The following TASP1 variants were observed in gnomAD, a reference collection of about 807,000 sequenced individuals.
The protein encoded by TASP1 is taspase 1, also known as threonine aspartase 1.
Under a neutral mutation model 56.6 loss-of-function variants are expected in TASP1, and 16 were observed. The observed-to-expected ratio is 0.28, with a 90% confidence interval of 0.19 to 0.43. The LOEUF is 0.43. Ranked by LOEUF, TASP1 falls within the 20% of genes least tolerant of loss-of-function variation. The probability of loss-of-function intolerance (pLI) is 1.00; values close to 1 mark genes in which losing one functional copy is unlikely to be tolerated. For missense variants in TASP1, 393 were observed against 511.6 expected (o/e 0.77, Z 2.24); for synonymous variants, 179 against 184.2 (o/e 0.97, Z 0.23).
the TASP1 span, among the ~76,000 whole-genome samples, chr20:13,217,615 A>G: frequency 2.0e-5 from 3 of 152,200 alleles, no homozygotes; most frequent in Admixed American, 6.5e-5. Context: ...AAGAGGCAGA[A>G]TGGTTATAAA....
At chr20:13,214,703 A>G in the TASP1 span, among the ~76,000 whole-genome samples, 1 of 152,196 alleles carries the variant, frequency 6.6e-6, no homozygotes, top group African/African-American at 2.4e-5. Flanking sequence ...TGCTAGTGAA[A>G]GTAAATCACA....
chr20:13,335,756 T>C, the TASP1 span, among the ~76,000 whole-genome samples: 2 of 151,970 alleles, frequency 1.3e-5, no homozygotes, highest in African/African-American at 4.8e-5. Context: ...AATAGAAAGT[T>C]GACAAGGTTG....
the TASP1 span, among the ~76,000 whole-genome samples, chr20:13,285,451 A>G: frequency 5.9e-5 from 9 of 152,252 alleles, no homozygotes; most frequent in African/African-American, 1.9e-4. Context: ...CTCACTCACA[A>G]TGAGGGGTGC....
the TASP1 span, among the ~76,000 whole-genome samples, chr20:13,374,303 G>A: frequency 6.6e-6 from 1 of 152,022 alleles, no homozygotes; most frequent in Non-Finnish European, 1.5e-5. Context: ...GAGAGAAACA[G>A]AGAGAAATAA....
chr20:13,319,806 G>A, the TASP1 span, among the ~76,000 whole-genome samples: 3 of 152,184 alleles, frequency 2.0e-5, no homozygotes, highest in African/African-American at 7.2e-5. Context: ...TTGTCCCTGG[G>A]CCTGCAGCAG....
the TASP1 span, among the ~76,000 whole-genome samples, chr20:13,353,953 A>C: frequency 6.6e-6 from 1 of 152,230 alleles, no homozygotes; most frequent in South Asian, 2.1e-4. Context: ...GGGGTTCAGA[A>C]GAAAACTTCA....
At chr20:13,182,892 G>A in the TASP1 span, among the ~76,000 whole-genome samples, 1 of 152,178 alleles carries the variant, frequency 6.6e-6, no homozygotes, top group African/African-American at 2.4e-5. Context: ...TTCATTTAAG[G>A]AATTTGATTC....
intron 6 of TASP1, among the ~76,000 whole-genome samples, chr20:13,580,670 T>C (rs1029170257): frequency 7.2e-5 from 11 of 152,292 alleles, no homozygotes; most frequent in Admixed American, 2.6e-4. Context: ...TTTTTTAAGT[T>C]TCATAATAAA....
chr20:13,561,405 G>A (rs931439322), intron 7 of TASP1, among the ~76,000 whole-genome samples: 5 of 151,804 alleles, frequency 3.3e-5, no homozygotes, highest in South Asian at 2.1e-4. Context: ...TCCCTCTGTC[G>A]CCCAAGCTGG....
At chr20:13,341,292 C>T in the TASP1 span, among the ~76,000 whole-genome samples, 2 of 152,154 alleles carry the variant, frequency 1.3e-5, no homozygotes, top group Non-Finnish European at 2.9e-5. Context: ...TTTCTTTTAC[C>T]CATTTGGGAG....
chr20:13,581,508 A>T (rs1416567418), intron 5 of TASP1, among the ~76,000 whole-genome samples: 1 of 152,188 alleles, frequency 6.6e-6, no homozygotes, highest in Non-Finnish European at 1.5e-5. Context: ...AGAACGGGGA[A>T]ATGTCCTTCA....
At chr20:13,581,036 TC>T in intron 5 of TASP1, 55 bp from the exon 6 acceptor site, 1 of 1,534,410 alleles carries the variant, frequency 6.5e-7, no homozygotes, top group Non-Finnish European at 8.9e-7. Context: ...TCTTCTAGTT[TC>T]CCACTCAGTT....
chr20:13,623,598 C>T lies in TASP1; in HGVS notation c.214-84G>A, dbSNP rs2048791292. 3.7e-6 allele frequency: 4 copies of T among 1,074,378 alleles called. No homozygotes were observed. In the South Asian group the frequency reaches 4.0e-5, roughly 11 times the overall value. The allele number at this position is 1,074,378 out of a possible 1,614,324, so 66.6% of individuals were successfully genotyped here. A position where few individuals can be genotyped will look rare whatever the true frequency, so the allele number is the denominator to read the frequency against. ...AAAGCTTAAAGAAGTATGGGAGACACTTAGATTAATAAAAATTGACCACTA... is the reference window on the plus strand; with the variant it reads ...AAAGCTTAAAGAAGTATGGGAGACATTTAGATTAATAAAAATTGACCACTA... On this transcript the variant is annotated intron_variant, in intron 3 of 13. Coordinates refer to ENST00000337743, the MANE Select transcript of TASP1 (RefSeq NM_017714.3).
At chr20:13,407,535 GTATC>G (rs1254021097) in intron 13 of TASP1, among the ~76,000 whole-genome samples, 8 of 152,120 alleles carry the variant, frequency 5.3e-5, no homozygotes, top group South Asian at 2.1e-4. Flanking sequence ...GCTGCTATAA[GTATC>G]TATGCACAAG....
the TASP1 span, among the ~76,000 whole-genome samples, chr20:13,254,476 T>C: frequency 1.3e-5 from 2 of 152,204 alleles, no homozygotes; most frequent in African/African-American, 4.8e-5. Context: ...CATCTCCTGC[T>C]GAGCCTCATT....
chr20:13,445,996 GA>G (rs2043396897), intron 11 of TASP1, among the ~76,000 whole-genome samples: 1 of 152,094 alleles, frequency 6.6e-6, no homozygotes, highest in African/African-American at 2.4e-5. Flanking sequence ...TGTACATACT[GA>G]ATAAGGTAAA....
chr20:13,186,817 C>T, the TASP1 span, among the ~76,000 whole-genome samples: 1 of 152,142 alleles, frequency 6.6e-6, no homozygotes, highest in Non-Finnish European at 1.5e-5. Context: ...TCAGCCAATA[C>T]AATGTGTTCA....
intron 11 of TASP1, among the ~76,000 whole-genome samples, chr20:13,470,099 A>G (rs2044431724): frequency 6.6e-6 from 1 of 152,040 alleles, no homozygotes; most frequent in Admixed American, 6.6e-5. Flanking sequence ...ATTGTATCCA[A>G]GGGAAAAAAG....
chr20:13,310,368 C>T, the TASP1 span, among the ~76,000 whole-genome samples: 2 of 152,070 alleles, frequency 1.3e-5, no homozygotes, highest in Non-Finnish European at 2.9e-5. Context: ...AACTGGATAT[C>T]CACCTGCAGA....
Sources: gnomAD v4.1 joint callset for allele counts (sites outside exome capture counted in the v4.1 genomes callset) on GRCh38, gnomAD v4.1.1 for gene constraint, MANE v1.5 for transcripts, NCBI Gene and HGNC (gene_info 2026-07-23, HGNC 2026-07-21) for gene names.